Variants in MTCL1 observed in about 807,000 individuals in gnomAD.
MTCL1 encodes the protein microtubule crosslinking factor 1.
A neutral mutation model predicts 141.4 loss-of-function variants in MTCL1; 79 were observed. That is an observed-to-expected ratio of 0.56 (90% CI 0.47 to 0.67). The LOEUF is 0.67. Ranked by LOEUF, MTCL1 falls within the 30% of genes least tolerant of loss-of-function variation. The pLI is 0.00. For missense variants in MTCL1, 2,177 were observed against 2,113.9 expected (o/e 1.03, Z -0.59); for synonymous variants, 914 against 875.8 (o/e 1.04, Z -0.77).
Position 8,729,748 on chromosome 18 carries a change from TTC to T in MTCL1, c.357+9256_357+9257del, listed in dbSNP as rs796503747. 1.2e-3 allele frequency among the ~76,000 whole-genome samples: 171 copies of T among 146,694 alleles called. 2 individuals are homozygous for T. Among genetic ancestry groups the T allele is most frequent in the Middle Eastern group, 7.3e-3 (2 of 274 alleles). On this transcript the variant is annotated intron_variant, in intron 4 of 16. Transcript: ENST00000359865. ...TATATATATATGGTTTGCAAATATT[TTC>T]TCTTACTCCGTAGCTTGTCTTCTCA... is the stretch of plus-strand genomic sequence containing the variant.
intron 12 of MTCL1, among the ~76,000 whole-genome samples, chr18:8,816,521 T>C (rs2144306668): frequency 6.6e-6 from 1 of 152,276 alleles, no homozygotes; most frequent in East Asian, 1.9e-4. Flanking sequence ...GGGGTGGGGG[T>C]AGGAGACTTT....
intron 4 of MTCL1, among the ~76,000 whole-genome samples, chr18:8,723,714 C>T (rs149908185): frequency 1.2e-4 from 18 of 152,318 alleles, no homozygotes; most frequent in African/African-American, 2.2e-4. Flanking sequence ...ATTTGTGAAA[C>T]GGTCTCTGAG....
chr18:8,804,817 C>G (rs933480954), intron 10 of MTCL1, among the ~76,000 whole-genome samples: 2 of 152,028 alleles, frequency 1.3e-5, no homozygotes, highest in African/African-American at 4.8e-5. Context: ...ATGATGAAAC[C>G]TTGTTTCTAC....
chr18:8,742,340 G>T (rs2096308711), intron 4 of MTCL1, among the ~76,000 whole-genome samples: 1 of 152,016 alleles, frequency 6.6e-6, no homozygotes, highest in Admixed American at 6.6e-5. Flanking sequence ...TTCTCATGCT[G>T]CTAATAAAGA....
intron 4 of MTCL1, among the ~76,000 whole-genome samples, chr18:8,736,122 A>G (rs2096273473): frequency 6.6e-6 from 1 of 152,098 alleles, no homozygotes. Context: ...GACAAATCGT[A>G]TTTCACCTGC....
intron 13 of MTCL1, among the ~76,000 whole-genome samples, chr18:8,821,161 G>T (rs2076832989): frequency 6.6e-6 from 1 of 152,130 alleles, no homozygotes; most frequent in East Asian, 1.9e-4. Flanking sequence ...TAGTCAGTGA[G>T]GTCCTTTGAG....
intron 4 of MTCL1, among the ~76,000 whole-genome samples, chr18:8,726,695 A>G (rs753094886): frequency 2.0e-5 from 3 of 152,104 alleles, no homozygotes; most frequent in Admixed American, 6.5e-5. Flanking sequence ...TTCAGTCCAT[A>G]ATAAGGGGGA....
At chr18:8,805,234 G>C (rs914176938) in intron 10 of MTCL1, among the ~76,000 whole-genome samples, 1 of 151,934 alleles carries the variant, frequency 6.6e-6, no homozygotes, top group African/African-American at 2.4e-5. Context: ...GTACCCAATA[G>C]GTAATTTTTC....
At chr18:8,759,434 G>T (rs7239976) in intron 4 of MTCL1, among the ~76,000 whole-genome samples, 1 of 151,986 alleles carries the variant, frequency 6.6e-6, no homozygotes, top group Non-Finnish European at 1.5e-5. Context: ...GAGGGTGAAG[G>T]GTTGACTATG....
At chr18:8,711,898 C>T (rs949867596) in intron 1 of MTCL1, among the ~76,000 whole-genome samples, 5 of 152,152 alleles carry the variant, frequency 3.3e-5, no homozygotes, top group Non-Finnish European at 7.3e-5. Flanking sequence ...GTGTTCCTTC[C>T]CTGCCAGGCT....
chr18:8,788,938 C>T lies in MTCL1; in HGVS notation c.1887+2847C>T, dbSNP rs60706528. Among the ~76,000 whole-genome samples the T allele has an allele frequency of 1.5e-3, 228 of 152,320 alleles. 1 individual carries two copies. Among genetic ancestry groups the T allele is most frequent in the African/African-American group, 5.3e-3 (221 of 41,556 alleles). ...CACTGGACTCTTCCCTGACTTCACT[C>T]CCTGGGGTTCCCATCAAATGTGAGA... On this transcript the variant is annotated intron_variant, in intron 7 of 16. Coordinates refer to ENST00000359865, the Ensembl canonical transcript of MTCL1.
At chr18:8,743,521 C>G (rs1056265006) in intron 4 of MTCL1, among the ~76,000 whole-genome samples, 1 of 152,222 alleles carries the variant, frequency 6.6e-6, no homozygotes, top group Non-Finnish European at 1.5e-5. Flanking sequence ...TGGGCCTGCA[C>G]TAAAATGAAG....
At chr18:8,789,153 G>T (rs1408775767) in intron 7 of MTCL1, among the ~76,000 whole-genome samples, 4 of 152,204 alleles carry the variant, frequency 2.6e-5, no homozygotes, top group Admixed American at 2.0e-4. Flanking sequence ...TCTCCTCAGT[G>T]CCTGCTTTTA....
At chr18:8,732,056 A>G (rs1401220309) in intron 4 of MTCL1, among the ~76,000 whole-genome samples, 3 of 152,142 alleles carry the variant, frequency 2.0e-5, no homozygotes, top group Non-Finnish European at 4.4e-5. Flanking sequence ...TTTATATGCT[A>G]CAAGTCATGT....
intron 4 of MTCL1, among the ~76,000 whole-genome samples, chr18:8,745,973 T>C (rs1176447835): frequency 2.6e-5 from 4 of 152,222 alleles, no homozygotes; most frequent in African/African-American, 7.2e-5. Flanking sequence ...CCTCATATAA[T>C]TGGAATCATA....
At chr18:8,747,038 C>T (rs1698522584) in intron 4 of MTCL1, among the ~76,000 whole-genome samples, 1 of 152,164 alleles carries the variant, frequency 6.6e-6, no homozygotes, top group African/African-American at 2.4e-5. Flanking sequence ...CGACGATGCT[C>T]ACCCTTCCGA....
At chr18:8,722,262 G>A (rs2096178304) in intron 4 of MTCL1, among the ~76,000 whole-genome samples, 1 of 152,082 alleles carries the variant, frequency 6.6e-6, no homozygotes, top group South Asian at 2.1e-4. Context: ...GGAGGTGCGG[G>A]GGTCACCTCC....
intron 4 of MTCL1, among the ~76,000 whole-genome samples, chr18:8,721,500 C>T (rs1268168835): frequency 6.6e-6 from 1 of 152,222 alleles, no homozygotes; most frequent in East Asian, 1.9e-4. Context: ...GCTTCTGCCC[C>T]CACCCCTCTT....
intron 7 of MTCL1, among the ~76,000 whole-genome samples, chr18:8,792,392 C>G (rs921147499): frequency 3.3e-5 from 5 of 152,194 alleles, no homozygotes; most frequent in African/African-American, 1.2e-4. Flanking sequence ...GTGCGATTCC[C>G]TGTAGACAAC....
Sources: allele counts gnomAD v4.1 joint callset (sites outside exome capture counted in the v4.1 genomes callset), GRCh38; gene constraint gnomAD v4.1.1; transcripts MANE v1.5; gene names NCBI Gene and HGNC (gene_info 2026-07-23, HGNC 2026-07-21).